ZMAT4: variants seen among roughly 807,000 people sequenced by gnomAD.
The protein encoded by ZMAT4 is zinc finger matrin-type protein 4.
Under a neutral mutation model 28.7 loss-of-function variants are expected in ZMAT4, and 17 were observed. The ratio of observed to expected loss-of-function variants is 0.59; its 90% confidence interval spans 0.41 to 0.89. ZMAT4 has a LOEUF of 0.89. Ranked by LOEUF, ZMAT4 falls within the 40% of genes least tolerant of loss-of-function variation. The pLI, the probability that ZMAT4 is intolerant of heterozygous loss-of-function variation, is 0.00. For synonymous variants in ZMAT4, 117 were observed against 109.2 expected (o/e 1.07, Z -0.44); for missense variants, 240 against 283.8 (o/e 0.85, Z 1.11).
intron 3 of ZMAT4, among the ~76,000 whole-genome samples, chr8:40,717,603 G>A (rs558543946): frequency 5.3e-5 from 8 of 152,294 alleles, no homozygotes; most frequent in African/African-American, 1.9e-4. Flanking sequence ...CAAGGCTGCT[G>A]TGAGCTGTAA....
At chr8:40,707,023 C>T (rs1232901347) in intron 3 of ZMAT4, among the ~76,000 whole-genome samples, 3 of 152,186 alleles carry the variant, frequency 2.0e-5, no homozygotes, top group African/African-American at 4.8e-5. Flanking sequence ...ATTCAACTCT[C>T]GCTCTCCTCC....
At chr8:40,882,376 C>A (rs947464150) in intron 1 of ZMAT4, among the ~76,000 whole-genome samples, 3 of 152,152 alleles carry the variant, frequency 2.0e-5, no homozygotes, top group Non-Finnish European at 4.4e-5. Context: ...ACCCTGGCAA[C>A]GCTACCTTGT....
intron 2 of ZMAT4, among the ~76,000 whole-genome samples, chr8:40,820,909 G>GTGTT (rs1554564149): frequency 8.2e-4 from 120 of 146,134 alleles, no homozygotes; most frequent in African/African-American, 2.2e-3. Context: ...GTGTTTGTGT[G>GTGTT]TATGTGTGTG....
chr8:40,749,495 C>T (rs1408481900), intron 3 of ZMAT4, among the ~76,000 whole-genome samples: 1 of 152,182 alleles, frequency 6.6e-6, no homozygotes, highest in East Asian at 1.9e-4. Flanking sequence ...GAATTAGTGG[C>T]ATCACATTAT....
intron 1 of ZMAT4, among the ~76,000 whole-genome samples, chr8:40,851,931 C>G (rs1817122056): frequency 6.6e-6 from 1 of 152,170 alleles, no homozygotes; most frequent in African/African-American, 2.4e-5. Context: ...GGGTCTCACT[C>G]TGTTGCCCAG....
intron 3 of ZMAT4, among the ~76,000 whole-genome samples, chr8:40,717,375 C>T (rs532700100): frequency 6.6e-6 from 1 of 152,142 alleles, no homozygotes; most frequent in African/African-American, 2.4e-5. Context: ...AGCATTCAGG[C>T]AGGGTACAGT....
At chr8:40,552,386 A>G (rs1312360927) in intron 6 of ZMAT4, among the ~76,000 whole-genome samples, 1 of 152,186 alleles carries the variant, frequency 6.6e-6, no homozygotes, top group Non-Finnish European at 1.5e-5. Context: ...CAAATTCTGC[A>G]TCTTTTCCCC....
At chr8:40,775,248 ATGT>A (rs1384719793) in intron 2 of ZMAT4, among the ~76,000 whole-genome samples, 1 of 152,200 alleles carries the variant, frequency 6.6e-6, no homozygotes. Flanking sequence ...CATTTGAAAC[ATGT>A]TGTTACAGAT....
chr8:40,626,020 G>A (rs1457002100), intron 5 of ZMAT4, among the ~76,000 whole-genome samples: 1 of 151,474 alleles, frequency 6.6e-6, no homozygotes, highest in Non-Finnish European at 1.5e-5. Flanking sequence ...TGAGGCAGGA[G>A]AATCGTTTGA....
chr8:40,850,520 A>G (rs1563526573), intron 1 of ZMAT4, among the ~76,000 whole-genome samples: 1 of 152,272 alleles, frequency 6.6e-6, no homozygotes, highest in East Asian at 1.9e-4. Flanking sequence ...GCCCCCCAAA[A>G]TGTAAGCTTT....
At chr8:40,658,446 G>A (rs1808027079) in intron 5 of ZMAT4, among the ~76,000 whole-genome samples, 1 of 152,086 alleles carries the variant, frequency 6.6e-6, no homozygotes, top group South Asian at 2.1e-4. Context: ...CCTGTGATGT[G>A]TGTGTGGTAG....
At chr8:40,820,463 G>GGTGTATGTGTGTTTAT (rs1271873016) in intron 2 of ZMAT4, among the ~76,000 whole-genome samples, 5 of 147,442 alleles carry the variant, frequency 3.4e-5, no homozygotes, top group Non-Finnish European at 7.5e-5. Context: ...GGTGTCTGGG[G>GGTGTATGTGTGTTTAT]GTGTATGTGT....
At chr8:40,694,776 G>A (rs1411193790) in intron 4 of ZMAT4, among the ~76,000 whole-genome samples, 1 of 152,138 alleles carries the variant, frequency 6.6e-6, no homozygotes, top group Non-Finnish European at 1.5e-5. Flanking sequence ...GCTTCTCCAA[G>A]GCAGATCTTA....
chr8:40,586,060 G>A (rs151141550), intron 5 of ZMAT4, among the ~76,000 whole-genome samples: 1,569 of 152,244 alleles, frequency 0.01, 34 homozygotes, highest in African/African-American at 0.036. Flanking sequence ...ACTTTATTGC[G>A]ATGCAAACTA....
intron 3 of ZMAT4, among the ~76,000 whole-genome samples, chr8:40,748,955 C>T (rs1812348859): frequency 6.6e-6 from 1 of 152,114 alleles, no homozygotes. Flanking sequence ...ATTATGGAGG[C>T]TGTTTCCCCA....
intron 1 of ZMAT4, among the ~76,000 whole-genome samples, chr8:40,834,136 A>G (rs751190430): frequency 6.6e-5 from 10 of 152,210 alleles, no homozygotes; most frequent in Non-Finnish European, 1.3e-4. Flanking sequence ...TGCTGGGCAC[A>G]TGCACCTCAC....
intron 3 of ZMAT4, among the ~76,000 whole-genome samples, chr8:40,740,262 C>T (rs969053509): frequency 3.9e-5 from 6 of 152,184 alleles, no homozygotes; most frequent in Non-Finnish European, 5.9e-5. Context: ...CACCAACATA[C>T]AAAAGTGTTC....
intron 3 of ZMAT4, among the ~76,000 whole-genome samples, chr8:40,742,905 G>T (rs1285448929): frequency 1.3e-5 from 2 of 152,112 alleles, no homozygotes; most frequent in South Asian, 2.1e-4. Flanking sequence ...TTTGGAAAAG[G>T]TTGTGAAAGC....
intron 3 of ZMAT4, among the ~76,000 whole-genome samples, chr8:40,745,348 T>C (rs973588392): frequency 2.6e-5 from 4 of 152,176 alleles, no homozygotes; most frequent in Admixed American, 2.0e-4. Context: ...CCTAGGGTTC[T>C]ATTTCGAAGG....
Sources: allele counts gnomAD v4.1 joint callset (sites outside exome capture counted in the v4.1 genomes callset), GRCh38; gene constraint gnomAD v4.1.1; transcripts MANE v1.5; gene names NCBI Gene and HGNC (gene_info 2026-07-23, HGNC 2026-07-21).